The following TGM4 variants were observed in gnomAD, a reference collection of about 807,000 sequenced individuals.
TGM4 encodes transglutaminase 4.
In TGM4, 61 loss-of-function variants were observed where a neutral mutation model predicts 76.3. That is an observed-to-expected ratio of 0.80 (90% CI 0.65 to 0.99). TGM4 has a LOEUF of 0.99. Among genes scored for constraint, TGM4 ranks in the 50% least tolerant of loss-of-function variants. TGM4 has a pLI of 0.00. For synonymous variants in TGM4, 337 were observed against 329.8 expected (o/e 1.02, Z -0.24); for missense variants, 794 against 843.2 (o/e 0.94, Z 0.72).
In TGM4 at chr3:44,874,981, C is replaced by T. The variant is rs970661626; in HGVS notation, c.19+284C>T. On this transcript the variant is annotated intron_variant, in intron 1 of 13. Coordinates refer to ENST00000296125, the MANE Select transcript of TGM4 (RefSeq NM_003241.4). ...ATTACTGCATTTGCTTTATCCTTCT[C>T]GATCAGTGGACAGATAGATGATATA... Among the ~76,000 whole-genome samples the T allele has an allele frequency of 5.5e-4, 83 of 152,164 alleles. 2 individuals carry two copies. Among genetic ancestry groups the T allele is most frequent in the Non-Finnish European group, 1.2e-4 (8 of 68,030 alleles).
Position 44,901,811 on chromosome 3 carries a change from TC to T in TGM4, c.854del (p.Pro285GlnfsTer5). 1 of 1,614,042 alleles carries T rather than the reference TC, an allele frequency of 6.2e-7. No individual in the cohort carries two copies. Among genetic ancestry groups the T allele is most frequent in the South Asian group, 1.1e-5 (1 of 91,054 alleles). Reference protein sequence around the residue: ...ILTTVLRALGIPARSVTGFDS... With the variant: ...ILTTVLRALGXPARSVTGFDS... ...ATTTCAGTGCTGAGAGCGTTGGGCATCCCAGCACGCAGTGTGACAGGCTTCG... is the reference window on the plus strand; with the variant it reads ...ATTTCAGTGCTGAGAGCGTTGGGCATCCAGCACGCAGTGTGACAGGCTTCG... On this transcript the variant is annotated frameshift_variant, in exon 8 of 14. Transcript: ENST00000296125. LOFTEE classifies it high-confidence loss of function.
intron 1 of TGM4, among the ~76,000 whole-genome samples, chr3:44,882,567 G>C (rs1009100278): frequency 3.9e-5 from 6 of 152,300 alleles, no homozygotes; most frequent in African/African-American, 1.4e-4. Flanking sequence ...GTGGCTCCAG[G>C]TGTTCTGTGG....
intron 3 of TGM4, 132 bp from the exon 4 acceptor site, chr3:44,890,471 C>A (rs1415669571): frequency 5.6e-5 from 74 of 1,332,990 alleles, no homozygotes; most frequent in East Asian, 1.2e-4. Context: ...AGGGTCCTGA[C>A]CATTCCTTGT....
At chr3:44,891,542 A>C (rs540418951) in intron 4 of TGM4, among the ~76,000 whole-genome samples, 94 of 138,650 alleles carry the variant, frequency 6.8e-4, no homozygotes, top group African/African-American at 2.4e-3. Context: ...CACACACACA[A>C]GCTTTTTATT....
intron 10 of TGM4, among the ~76,000 whole-genome samples, chr3:44,909,595 G>A (rs1026198249): frequency 3.9e-5 from 6 of 152,078 alleles, no homozygotes; most frequent in Admixed American, 2.0e-4. Flanking sequence ...AGCTTTTAGC[G>A]GAACTCCAAA....
At chr3:44,893,799 C>A in intron 5 of TGM4, 104 bp downstream of exon 5, 1 of 1,031,552 alleles carries the variant, frequency 9.7e-7, no homozygotes, top group Admixed American at 1.7e-5. Context: ...TTGTGAACCT[C>A]GGGTCAAACG....
chr3:44,883,678 G>A (rs139498503), intron 1 of TGM4, among the ~76,000 whole-genome samples: 20 of 152,190 alleles, frequency 1.3e-4, no homozygotes, highest in African/African-American at 3.6e-4. Context: ...GGCCCTGTGC[G>A]CAGTGTGAAG....
At chr3:44,887,823 G>A (rs762099713) in intron 3 of TGM4, 28 bp downstream of exon 3, 2 of 1,600,958 alleles carry the variant, frequency 1.2e-6, no homozygotes, top group Non-Finnish European at 1.7e-6. Flanking sequence ...TGGCGGGTGG[G>A]CTGGCTGGCT....
intron 13 of TGM4, among the ~76,000 whole-genome samples, chr3:44,911,701 G>T (rs1575729352): frequency 6.6e-6 from 1 of 152,116 alleles, no homozygotes; most frequent in Non-Finnish European, 1.5e-5. Context: ...TGAATTGCCT[G>T]TTCCTAACTT....
chr3:44,902,068 C>T (rs563408547), intron 8 of TGM4, 137 bp downstream of exon 8: 13 of 1,096,300 alleles, frequency 1.2e-5, no homozygotes, highest in African/African-American at 1.6e-5. Flanking sequence ...GCCTTAGCCT[C>T]CCAGGTAGCT....
chr3:44,885,230 C>A (rs574601519), intron 1 of TGM4, 95 bp from the exon 2 acceptor site: 3 of 1,344,580 alleles, frequency 2.2e-6, no homozygotes, highest in Non-Finnish European at 3.0e-6. Flanking sequence ...CCCAGCTCCA[C>A]CTCAATGCAC....
rs538047165 is a variant in TGM4 at position 44,912,433 on chromosome 3, C to T, written c.1913+1027C>T. Among the ~76,000 whole-genome samples, 3 of 152,250 alleles carry T rather than the reference C, an allele frequency of 2.0e-5. No individual in the cohort carries two copies. The South Asian group carries it at 6.2e-4, about 32-fold the overall frequency. Reference sequence around the variant, plus strand: ...TCAATTCCCATATATATCTGGGTCTCTGGACTCTTTAATTTGCTATTTCAT... The same window carrying T: ...TCAATTCCCATATATATCTGGGTCTTTGGACTCTTTAATTTGCTATTTCAT... On this transcript the variant is annotated intron_variant, in intron 13 of 13. Coordinates refer to ENST00000296125, the MANE Select transcript of TGM4 (RefSeq NM_003241.4).
At chr3:44,904,954 T>C (rs778432438) in intron 9 of TGM4, among the ~76,000 whole-genome samples, 1 of 151,936 alleles carries the variant, frequency 6.6e-6, no homozygotes, top group African/African-American at 2.4e-5. Context: ...AGTGTTGGGA[T>C]TACAGGCATG....
chr3:44,904,036 A>T (rs755308335), intron 9 of TGM4, 49 bp downstream of exon 9: 1 of 1,529,800 alleles, frequency 6.5e-7, no homozygotes, highest in Admixed American at 1.7e-5. Context: ...CTCTCCTTAC[A>T]TGGCCCAGGG....
At chr3:44,900,924 T>C (rs1699844087) in intron 6 of TGM4, 1 of 153,212 alleles carries the variant, frequency 6.5e-6, no homozygotes, top group South Asian at 2.1e-4. Context: ...AGGCATAGGC[T>C]TAACCCAGGT....
At position 44,913,791 on chromosome 3, in the gene TGM4, G is replaced by A; in HGVS notation, c.*66G>A. The A allele has an allele frequency of 1.3e-6, 2 of 1,545,132 alleles. No individual in the cohort carries two copies. The highest frequency in any genetic ancestry group is 2.6e-5 in the South Asian group (2 of 78,054). ...TTTCCTACCTTGTGCTTAGCTTTCA[G>A]ATTATGGATGATTAAATTTGATGAC... On this transcript the variant is annotated 3_prime_UTR_variant, in exon 14 of 14. Transcript: ENST00000296125.
chr3:44,901,492 G>A (rs1428295066), intron 6 of TGM4, 32 bp from the exon 7 acceptor site: 9 of 1,573,142 alleles, frequency 5.7e-6, no homozygotes, highest in African/African-American at 2.7e-5. Context: ...TCTGAGGGGC[G>A]GACACTGACC....
At chr3:44,900,367 GC>G (rs1699836877) in intron 6 of TGM4, among the ~76,000 whole-genome samples, 1 of 152,156 alleles carries the variant, frequency 6.6e-6, no homozygotes, top group South Asian at 2.1e-4. Flanking sequence ...CTTGAGTCTG[GC>G]GGTGGCCTCT....
intron 1 of TGM4, among the ~76,000 whole-genome samples, chr3:44,884,361 C>T (rs995932786): frequency 5.9e-5 from 9 of 152,104 alleles, no homozygotes; most frequent in Admixed American, 6.5e-5. Flanking sequence ...TGAGGTAATA[C>T]GAAATGTCAT....
Sources: allele counts gnomAD v4.1 joint callset (sites outside exome capture counted in the v4.1 genomes callset), GRCh38; gene constraint gnomAD v4.1.1; transcripts MANE v1.5; gene names NCBI Gene and HGNC (gene_info 2026-07-23, HGNC 2026-07-21).